TRPC1: variants seen among roughly 807,000 people sequenced by gnomAD.
TRPC1 encodes the protein transient receptor potential cation channel subfamily C member 1.
A neutral mutation model predicts 88.2 loss-of-function variants in TRPC1; 42 were observed. The ratio of observed to expected loss-of-function variants is 0.48; its 90% CI spans 0.37 to 0.62. The LOEUF is 0.62. Among genes scored for constraint, TRPC1 ranks in the 20% least tolerant of loss-of-function variants. The pLI is 0.00. For synonymous variants in TRPC1, 288 were observed against 331.8 expected (o/e 0.87, Z 1.43); for missense variants, 699 against 957.3 (o/e 0.73, Z 3.56).
At chr3:142,791,521 G>A (rs1936295778) in intron 8 of TRPC1, among the ~76,000 whole-genome samples, 2 of 151,910 alleles carry the variant, frequency 1.3e-5, no homozygotes, top group Non-Finnish European at 2.9e-5. Flanking sequence ...CACACAATAG[G>A]AAACCAAGAC....
chr3:142,743,772 T>C (rs947428390), intron 3 of TRPC1, among the ~76,000 whole-genome samples, 186 bp downstream of exon 3: 4 of 152,194 alleles, frequency 2.6e-5, no homozygotes, highest in African/African-American at 7.2e-5. Context: ...AGGAAAACTT[T>C]TTAAATTTAG....
intron 4 of TRPC1, among the ~76,000 whole-genome samples, chr3:142,770,244 G>T (rs1254593394): frequency 6.6e-6 from 1 of 151,776 alleles, no homozygotes; most frequent in Non-Finnish European, 1.5e-5. Context: ...CTACAGGCAT[G>T]CACCACCACG....
chr3:142,745,398 C>G (rs1488373385), intron 3 of TRPC1, among the ~76,000 whole-genome samples: 1 of 152,118 alleles, frequency 6.6e-6, no homozygotes, highest in Non-Finnish European at 1.5e-5. Context: ...GTAAAATAAC[C>G]TTTGGGAGGC....
chr3:142,783,653 C>T (rs1265748999), intron 6 of TRPC1, among the ~76,000 whole-genome samples: 1 of 152,116 alleles, frequency 6.6e-6, no homozygotes, highest in Non-Finnish European at 1.5e-5. Flanking sequence ...GCCAACTCTA[C>T]AGTATACTAG....
chr3:142,775,096 A>G (rs866935375), intron 4 of TRPC1, among the ~76,000 whole-genome samples: 4 of 151,828 alleles, frequency 2.6e-5, no homozygotes, highest in South Asian at 2.1e-4. Context: ...TTGACAGTGT[A>G]GTATAGGTAA....
Position 142,736,545 on chromosome 3 carries a change from G to C in TRPC1, c.327+12G>C. ...ACTACGGTTGTCAGGTACAAGGCTA[G>C]ATAATTTAATCCAGTTAACTTCTAA... is the stretch of plus-strand genomic sequence containing the variant. On this transcript the variant is annotated intron_variant, in intron 2 of 12. Transcript: ENST00000476941. 5 of 1,582,876 alleles carry C rather than the reference G, an allele frequency of 3.2e-6. No individual in the cohort carries two copies. The highest frequency in any genetic ancestry group is 4.3e-6 in the Non-Finnish European group (5 of 1,168,302).
intron 4 of TRPC1, among the ~76,000 whole-genome samples, chr3:142,775,906 C>T (rs1935752653): frequency 6.6e-6 from 1 of 152,102 alleles, no homozygotes; most frequent in Non-Finnish European, 1.5e-5. Flanking sequence ...AATGAGCTCT[C>T]CTTGTTATTA....
Position 142,760,590 on chromosome 3 carries a change from AG to A in TRPC1, c.632+12131del, listed in dbSNP as rs1436492440. 7.2e-5 allele frequency among the ~76,000 whole-genome samples: 11 copies of A among 152,212 alleles called. No homozygotes were observed. In the East Asian group the frequency reaches 2.1e-3, roughly 29 times the overall value. ...TCTTTTGTGGTTTCATATAAAGTTT[AG>A]TATTATTTTTTCTATTTCTCTGAAG... is the stretch of plus-strand genomic sequence containing the variant. On this transcript the variant is annotated intron_variant, in intron 4 of 12. Transcript: ENST00000476941.
At chr3:142,782,261 T>TA (rs754636251) in intron 6 of TRPC1, among the ~76,000 whole-genome samples, 1 of 152,180 alleles carries the variant, frequency 6.6e-6, no homozygotes, top group Non-Finnish European at 1.5e-5. Flanking sequence ...AAATGTACCA[T>TA]TCTAAAGAAG....
At chr3:142,798,141 A>G (rs1032591859) in intron 9 of TRPC1, among the ~76,000 whole-genome samples, 8 of 152,088 alleles carry the variant, frequency 5.3e-5, no homozygotes, top group African/African-American at 1.7e-4. Flanking sequence ...GATTGGGTTA[A>G]AGCTGGAAAA....
rs199561313 is a variant in TRPC1, at chr3:142,796,610, TGGGTCC to T, written c.1581+3644_1581+3649del. On this transcript the variant is annotated intron_variant, in intron 9 of 12. Coordinates refer to ENST00000476941, the MANE Select transcript of TRPC1 (RefSeq NM_001251845.2). ...CCTCCTGCTCCAAGACTCTGCTGCGTGGGTCCCTGATTCTTACCCATCTGTAGCACA... is the reference window on the plus strand; with the variant it reads ...CCTCCTGCTCCAAGACTCTGCTGCGTCTGATTCTTACCCATCTGTAGCACA... Among the ~76,000 whole-genome samples, 1,008 of 152,182 alleles carry T rather than the reference TGGGTCC, an allele frequency of 6.6e-3. 12 individuals are homozygous for T. The highest frequency in any genetic ancestry group is 0.023 in the African/African-American group (944 of 41,526).
At position 142,791,031 on chromosome 3, in the gene TRPC1, C is replaced by G; in HGVS notation, c.1310C>G (p.Ser437Ter). ...TTCCTTTTCTCAGGGATGATTTGGT[C>G]AGACATTAAAAGACTCTGGTATGAA... ...LILWIIGMIW[S>*]DIKRLWYEGL... Residue 437 changes from serine (S) to a stop codon, truncating the protein, a stop_gained, in exon 8 of 13, where the codon TCA becomes TGA. Coordinates refer to ENST00000476941, the MANE Select transcript of TRPC1 (RefSeq NM_001251845.2). LOFTEE classifies it high-confidence loss of function. 1.9e-6 allele frequency: 3 copies of G among 1,591,988 alleles called. No homozygotes were observed. Among genetic ancestry groups the G allele is most frequent in the Non-Finnish European group, 2.6e-6 (3 of 1,171,634 alleles).
In TRPC1 at chr3:142,776,445, A is replaced by G. The variant is rs1380928406; in HGVS notation, c.633-1187A>G. On this transcript the variant is annotated intron_variant, in intron 4 of 12. Transcript: ENST00000476941. This position sits in a 1 kb window ranked among gnomAD's most constrained non-coding sequence, Gnocchi z 4.1. ...AGCAAATTTTTCTGGTTTGTTTTCT[A>G]TTTAGGTATGGAAATTTGAATATTA... Among the ~76,000 whole-genome samples the G allele has an allele frequency of 2.6e-5, 4 of 152,134 alleles. No individual in the cohort carries two copies. Among genetic ancestry groups the G allele is most frequent in the Admixed American group, 6.5e-5 (1 of 15,274 alleles).
intron 4 of TRPC1, among the ~76,000 whole-genome samples, chr3:142,759,915 C>T (rs111943269): frequency 2.2e-4 from 33 of 152,166 alleles, no homozygotes; most frequent in African/African-American, 7.9e-4. Flanking sequence ...AGTGCAGTGG[C>T]GCGATCTCGG....
At position 142,806,167 on chromosome 3, in the gene TRPC1, C is replaced by T. The variant is rs773180018; in HGVS notation, c.2314C>T (p.Arg772Ter). The T allele has an allele frequency of 2.5e-6, 4 of 1,613,422 alleles. No homozygotes were observed. The highest frequency in any genetic ancestry group is 1.3e-5 in the African/African-American group (1 of 74,860). ...ACTGCGCCAAGATCTGTCAAAATTC[C>T]GAAATGAAATAAGGGATTTACTTGG... The part of the protein sequence containing the change: ...NELRQDLSKF[R>*]NEIRDLLGFR... The change falls in exon 13 of 13, where the codon CGA becomes TGA. Residue 772 changes from arginine (R) to a stop codon, truncating the protein, a stop_gained. Transcript: ENST00000476941. LOFTEE classifies it high-confidence loss of function.
intron 9 of TRPC1, among the ~76,000 whole-genome samples, chr3:142,800,611 A>T (rs1311168546): frequency 6.6e-6 from 1 of 152,082 alleles, no homozygotes; most frequent in Non-Finnish European, 1.5e-5. Flanking sequence ...CAAAACACTC[A>T]ATTTTGTACA....
At chr3:142,727,389 G>A (rs1933725386) in intron 1 of TRPC1, among the ~76,000 whole-genome samples, 1 of 152,206 alleles carries the variant, frequency 6.6e-6, no homozygotes, top group South Asian at 2.1e-4. Flanking sequence ...ATGGATATGT[G>A]TATGTTAGTG....
chr3:142,775,292 A>G (rs1935728865), intron 4 of TRPC1, among the ~76,000 whole-genome samples: 1 of 152,226 alleles, frequency 6.6e-6, no homozygotes, highest in Admixed American at 6.5e-5. Context: ...GAATTTCCGT[A>G]TAGAAAAATT....
intron 1 of TRPC1, among the ~76,000 whole-genome samples, chr3:142,726,901 C>A (rs750072535): frequency 1.2e-4 from 18 of 152,158 alleles, no homozygotes; most frequent in Non-Finnish European, 2.2e-4. Flanking sequence ...CCCACAACCC[C>A]ATGAGCCAGA....
Sources: gnomAD v4.1 joint callset for allele counts (sites outside exome capture counted in the v4.1 genomes callset) on GRCh38, gnomAD v4.1.1 for gene constraint, Gnocchi (gnomAD v3.1) non-coding constraint, MANE v1.5 for transcripts, NCBI Gene and HGNC (gene_info 2026-07-23, HGNC 2026-07-21) for gene names.